TNNC1: variants seen among roughly 807,000 people sequenced by gnomAD.
The protein encoded by TNNC1 is troponin C1, slow skeletal and cardiac type.
A neutral mutation model predicts 19.6 loss-of-function variants in TNNC1; 10 were observed. The ratio of observed to expected loss-of-function variants is 0.51; its 90% CI spans 0.31 to 0.87. The LOEUF (loss-of-function observed/expected upper bound fraction) is 0.87. TNNC1 is among the 40% of genes least tolerant of loss of function. The probability of loss-of-function intolerance (pLI) is 0.04; values close to 1 mark genes in which losing one functional copy is unlikely to be tolerated. For missense variants in TNNC1, 115 were observed against 219.8 expected, an observed-to-expected ratio of 0.52 and a Z score of 3.02; for synonymous variants, 85 against 80.1, an observed-to-expected ratio of 1.06 and a Z score of -0.33.
At position 52,452,268 on chromosome 3, in the gene TNNC1, G is replaced by C; in HGVS notation, c.56-16C>G. On this transcript the variant is annotated splice_polypyrimidine_tract_variant and intron_variant, in intron 2 of 5. Transcript: ENST00000232975. The surrounding 1 kb of genome is among the most constrained non-coding windows in gnomAD (Gnocchi z 5.2). ...GCCTTGAACTCTGTGTTCAGGGGTTGGGGGGCACAGTAGTCAGGGCTCAGC... is the reference window on the plus strand; with the variant it reads ...GCCTTGAACTCTGTGTTCAGGGGTTCGGGGGCACAGTAGTCAGGGCTCAGC... 1.9e-6 allele frequency: 3 copies of C among 1,607,392 alleles called. No homozygotes were observed. The highest frequency in any genetic ancestry group is 2.5e-6 in the Non-Finnish European group (3 of 1,179,978).
At position 52,451,786 on chromosome 3, in the gene TNNC1, T is replaced by A; in HGVS notation, c.275A>T (p.Lys92Ile). 6.2e-7 allele frequency: 1 copy of A among 1,614,112 alleles called. No homozygotes were observed. The highest frequency in any genetic ancestry group is 8.5e-7 in the Non-Finnish European group (1 of 1,179,990). The change falls in exon 4 of 6, where the codon AAA becomes ATA. Residue 92 changes from lysine to isoleucine, a missense_variant. Coordinates refer to ENST00000232975, the MANE Select transcript of TNNC1 (RefSeq NM_003280.3). This position sits in a 1 kb window ranked among gnomAD's most constrained non-coding sequence, Gnocchi z 4.8. ...VRCMKDDSKGKSEEELSDLFR... is the reference protein window; with the variant it reads ...VRCMKDDSKGISEEELSDLFR... ...GAGGTCAGACAGCTCCTCCTCAGAT[T>A]TCCCTTTGCTGTCGTCCTTCATGCA... is the stretch of plus-strand genomic sequence containing the variant.
In TNNC1 at chr3:52,451,223, C is replaced by G; in HGVS notation, c.*52G>C. The G allele has an allele frequency of 2.5e-6, 4 of 1,610,576 alleles. No homozygotes were observed. In the South Asian group the frequency reaches 4.4e-5, roughly 18 times the overall value. On this transcript the variant is annotated 3_prime_UTR_variant, in exon 6 of 6. Coordinates refer to ENST00000232975, the MANE Select transcript of TNNC1 (RefSeq NM_003280.3). The surrounding 1 kb of genome is among the most constrained non-coding windows in gnomAD (Gnocchi z 4.8). ...CCCGACCCCCTCCCCAACCCCAGGA[C>G]TCAGCTGGAGTTGGAGGCTGGGCAT... is the stretch of plus-strand genomic sequence containing the variant.
chr3:52,452,059 C>T lies in TNNC1; in HGVS notation c.202+47G>A. 3.1e-6 allele frequency: 5 copies of T among 1,613,402 alleles called. No homozygotes were observed. The highest frequency in any genetic ancestry group is 4.2e-6 in the Non-Finnish European group (5 of 1,179,950). On this transcript the variant is annotated intron_variant, in intron 3 of 5. Coordinates refer to ENST00000232975, the MANE Select transcript of TNNC1 (RefSeq NM_003280.3). The surrounding 1 kb of genome is among the most constrained non-coding windows in gnomAD (Gnocchi z 5.2). Reference sequence around the variant, plus strand: ...GCTAAACAGAGCCAGCATTCCAGCCCCCAGCCAGCTGGGGTTCTTCTGGAG... The same window carrying T: ...GCTAAACAGAGCCAGCATTCCAGCCTCCAGCCAGCTGGGGTTCTTCTGGAG...
chr3:52,453,512 C>A (rs143915662), intron 1 of TNNC1, among the ~76,000 whole-genome samples: 19 of 152,288 alleles, frequency 1.2e-4, no homozygotes, highest in African/African-American at 4.3e-4. Flanking sequence ...TCCTCTCACA[C>A]CCTCCACCCT....
At position 52,452,125 on chromosome 3, in the gene TNNC1, G is replaced by T; in HGVS notation, c.183C>A (p.Ile61=). 2 of 1,613,908 alleles carry T rather than the reference G, an allele frequency of 1.2e-6. No homozygotes were observed. Among genetic ancestry groups the T allele is most frequent in the Non-Finnish European group, 1.7e-6 (2 of 1,180,030 alleles). ...GCTCACCGTCCTCGTCCACCTCATC[G>T]ATCATCTCCTGCAGCTCCTCAGGGG... ...NPTPEELQEM[I]DEVDEDGSGT... The change falls in exon 3 of 6, where the codon ATC becomes ATA. Residue 61 remains isoleucine, a synonymous_variant. Transcript: ENST00000232975. The surrounding 1 kb of genome is among the most constrained non-coding windows in gnomAD (Gnocchi z 5.2).
rs2153230083 is a variant in TNNC1, at chr3:52,453,990, A to C, written c.24+2T>G. On this transcript the variant is annotated splice_donor_variant, in intron 1 of 5. Transcript: ENST00000232975. LOFTEE classifies it high-confidence loss of function. ...CCAGCCCTACCCAGCCCTGTCCCTC[A>C]CCGCAGCCTTGTAGATGTCATCCAT... 1 of 1,586,552 alleles carries C rather than the reference A, an allele frequency of 6.3e-7. No homozygotes were observed. Among genetic ancestry groups the C allele is most frequent in the Admixed American group, 1.8e-5 (1 of 57,100 alleles).
Position 52,452,640 on chromosome 3 carries a change from G to T in TNNC1, c.25-127C>A, listed in dbSNP as rs1706345557. 2 of 1,027,712 alleles carry T rather than the reference G, an allele frequency of 1.9e-6. No individual in the cohort carries two copies. The highest frequency in any genetic ancestry group is 3.0e-6 in the Non-Finnish European group (2 of 672,762). The allele number at this position is 1,027,712 out of a possible 1,614,324, so 63.7% of individuals were successfully genotyped here. A position where few individuals can be genotyped will look rare whatever the true frequency, so the allele number is the denominator to read the frequency against. ...GCTATTTCCAGGCCACAGAGTGGAGGTCTCAGTCCTCCCTCCCTGCCCCCA... is the reference window on the plus strand; with the variant it reads ...GCTATTTCCAGGCCACAGAGTGGAGTTCTCAGTCCTCCCTCCCTGCCCCCA... On this transcript the variant is annotated intron_variant, in intron 1 of 5. Transcript: ENST00000232975. This position sits in a 1 kb window ranked among gnomAD's most constrained non-coding sequence, Gnocchi z 5.2.
At position 52,452,651 on chromosome 3, in the gene TNNC1, C is replaced by T. The variant is rs981300271; in HGVS notation, c.25-138G>A. 9.8e-6 allele frequency: 9 copies of T among 919,104 alleles called. No individual in the cohort carries two copies. Among genetic ancestry groups the T allele is most frequent in the Admixed American group, 6.0e-5 (3 of 50,022 alleles). The allele number at this position is 919,104 out of a possible 1,614,324, so 56.9% of individuals were successfully genotyped here. Reference sequence around the variant, plus strand: ...GCCACAGAGTGGAGGTCTCAGTCCTCCCTCCCTGCCCCCAAAGCCCTGACG... The same window carrying T: ...GCCACAGAGTGGAGGTCTCAGTCCTTCCTCCCTGCCCCCAAAGCCCTGACG... On this transcript the variant is annotated intron_variant, in intron 1 of 5. Transcript: ENST00000232975. The surrounding 1 kb of genome is among the most constrained non-coding windows in gnomAD (Gnocchi z 5.2).
chr3:52,452,008 G>A lies in TNNC1; in HGVS notation c.202+98C>T. 5 of 1,595,854 alleles carry A rather than the reference G, an allele frequency of 3.1e-6. No homozygotes were observed. Among genetic ancestry groups the A allele is most frequent in the Non-Finnish European group, 3.4e-6 (4 of 1,165,920 alleles). ...CCCATTTTATAGATGAGGCAACCAAGGCTCGGATAGGCTAAATTGCTCCCA... is the reference window on the plus strand; with the variant it reads ...CCCATTTTATAGATGAGGCAACCAAAGCTCGGATAGGCTAAATTGCTCCCA... On this transcript the variant is annotated intron_variant, in intron 3 of 5. Coordinates refer to ENST00000232975, the MANE Select transcript of TNNC1 (RefSeq NM_003280.3). This position sits in a 1 kb window ranked among gnomAD's most constrained non-coding sequence, Gnocchi z 5.2.
chr3:52,452,016 T>C lies in TNNC1; in HGVS notation c.202+90A>G, dbSNP rs762441780. ...ATAGATGAGGCAACCAAGGCTCGGATAGGCTAAATTGCTCCCAGCTAAACA... is the reference window on the plus strand; with the variant it reads ...ATAGATGAGGCAACCAAGGCTCGGACAGGCTAAATTGCTCCCAGCTAAACA... On this transcript the variant is annotated intron_variant, in intron 3 of 5. Coordinates refer to ENST00000232975, the MANE Select transcript of TNNC1 (RefSeq NM_003280.3). This position sits in a 1 kb window ranked among gnomAD's most constrained non-coding sequence, Gnocchi z 5.2. 3.1e-6 allele frequency: 5 copies of C among 1,602,192 alleles called. No individual in the cohort carries two copies. The highest frequency in any genetic ancestry group is 1.7e-5 in the Admixed American group (1 of 59,906).
At position 52,452,939 on chromosome 3, in the gene TNNC1, A is replaced by G; in HGVS notation, c.25-426T>C. On this transcript the variant is annotated intron_variant, in intron 1 of 5. Transcript: ENST00000232975. The surrounding 1 kb of genome is among the most constrained non-coding windows in gnomAD (Gnocchi z 5.2). The stretch of plus-strand genomic sequence containing the variant: ...TATTTTTAACGAGGAACAAAGTTAA[A>G]CCTGGTGATTGTTCTGGGGACTTTG... The G allele has an allele frequency of 3.5e-6, 1 of 283,212 alleles. No homozygotes were observed. Among genetic ancestry groups the G allele is most frequent in the Non-Finnish European group, 6.9e-6 (1 of 144,142 alleles). 17.5% of individuals were successfully genotyped at this position (283,212 alleles called of 1,614,324 possible). A position where few individuals can be genotyped will look rare whatever the true frequency, so the allele number is the denominator to read the frequency against.
rs1706329820 is a variant in TNNC1 at position 52,451,707 on chromosome 3, G to A, written c.317+37C>T. On this transcript the variant is annotated intron_variant, in intron 4 of 5. Coordinates refer to ENST00000232975, the MANE Select transcript of TNNC1 (RefSeq NM_003280.3). This position sits in a 1 kb window ranked among gnomAD's most constrained non-coding sequence, Gnocchi z 4.8. ...CCCTCCTGTACAGCTCGGCTTGAGT[G>A]TGGGTCAGGGTCAGAGGTCAAGGGT... is the stretch of plus-strand genomic sequence containing the variant. 1.2e-6 allele frequency: 2 copies of A among 1,602,316 alleles called. No individual in the cohort carries two copies. Among genetic ancestry groups the A allele is most frequent in the Admixed American group, 1.7e-5 (1 of 59,950 alleles).
rs759472560 is a variant in TNNC1 at position 52,452,101 on chromosome 3, C to G, written c.202+5G>C. The G allele has an allele frequency of 5.8e-5, 93 of 1,613,682 alleles. No individual in the cohort carries two copies. The highest frequency in any genetic ancestry group is 7.6e-5 in the Non-Finnish European group (90 of 1,180,030). Reference sequence around the variant, plus strand: ...CTTCTGGAGCCTGGGGAGGAGGGGGCTCACCGTCCTCGTCCACCTCATCGA... The same window carrying G: ...CTTCTGGAGCCTGGGGAGGAGGGGGGTCACCGTCCTCGTCCACCTCATCGA... On this transcript the variant is annotated splice_donor_5th_base_variant and intron_variant, in intron 3 of 5. Coordinates refer to ENST00000232975, the MANE Select transcript of TNNC1 (RefSeq NM_003280.3). This position sits in a 1 kb window ranked among gnomAD's most constrained non-coding sequence, Gnocchi z 5.2.
rs1706324389 is a variant in TNNC1, at chr3:52,451,396, T to C, written c.449A>G (p.Tyr150Cys). ...CAGCCCACCCACCCGCTTACCATCA[T>C]AGTCGATGCGGCCGTCGTTGTTCTT... ...GDKNNDGRID[Y>C]DEFLEFMKGV... The change falls in exon 5 of 6, where the codon TAT (tyrosine) becomes TGT (cysteine). Residue 150 changes from tyrosine to cysteine, a missense_variant. This residue lies in a region of TNNC1 where 96 missense variants were observed against 114.2 expected (regional missense o/e 0.84). Coordinates refer to ENST00000232975, the MANE Select transcript of TNNC1 (RefSeq NM_003280.3). This position sits in a 1 kb window ranked among gnomAD's most constrained non-coding sequence, Gnocchi z 4.8. The C allele has an allele frequency of 6.2e-7, 1 of 1,614,156 alleles. No homozygotes were observed. Among genetic ancestry groups the C allele is most frequent in the Non-Finnish European group, 8.5e-7 (1 of 1,179,998 alleles).
In TNNC1 at chr3:52,452,587, G is replaced by A; in HGVS notation, c.25-74C>T. On this transcript the variant is annotated intron_variant, in intron 1 of 5. Coordinates refer to ENST00000232975, the MANE Select transcript of TNNC1 (RefSeq NM_003280.3). The surrounding 1 kb of genome is among the most constrained non-coding windows in gnomAD (Gnocchi z 5.2). The stretch of plus-strand genomic sequence containing the variant: ...CTGAGGAAACCAACCCATTCCACAG[G>A]TGAGAAGGCTGGAGCTGGAGGAGGC... 6.6e-7 allele frequency: 1 copy of A among 1,514,496 alleles called. No homozygotes were observed. Among genetic ancestry groups the A allele is most frequent in the East Asian group, 2.3e-5 (1 of 43,816 alleles). The allele number at this position is 1,514,496 out of a possible 1,614,324, so 93.8% of individuals were successfully genotyped here. A position where few individuals can be genotyped will look rare whatever the true frequency, so the allele number is the denominator to read the frequency against.
rs1706332080 is a variant in TNNC1 at position 52,451,861 on chromosome 3, G to A, written c.203-3C>T. 6.2e-7 allele frequency: 1 copy of A among 1,612,928 alleles called. No homozygotes were observed. Among genetic ancestry groups the A allele is most frequent in the Non-Finnish European group, 8.5e-7 (1 of 1,179,060 alleles). ...ATCAAAGTCCACCGTGCCGCTGCCTGGGGGTGGGCAGCATGGCCGTTACAG... is the reference window on the plus strand; with the variant it reads ...ATCAAAGTCCACCGTGCCGCTGCCTAGGGGTGGGCAGCATGGCCGTTACAG... On this transcript the variant is annotated splice_region_variant and splice_polypyrimidine_tract_variant and intron_variant, in intron 3 of 5. Transcript: ENST00000232975. The surrounding 1 kb of genome is among the most constrained non-coding windows in gnomAD (Gnocchi z 4.8).
Position 52,452,071 on chromosome 3 carries a change from G to C in TNNC1, c.202+35C>G, listed in dbSNP as rs1171650588. The C allele has an allele frequency of 6.2e-7, 1 of 1,613,606 alleles. No homozygotes were observed. Among genetic ancestry groups the C allele is most frequent in the Admixed American group, 1.7e-5 (1 of 60,026 alleles). On this transcript the variant is annotated intron_variant, in intron 3 of 5. Transcript: ENST00000232975. This position sits in a 1 kb window ranked among gnomAD's most constrained non-coding sequence, Gnocchi z 5.2. ...CAGCATTCCAGCCCCCAGCCAGCTG[G>C]GGTTCTTCTGGAGCCTGGGGAGGAG...
In TNNC1 at chr3:52,452,403, C is replaced by T. The variant is rs1383309107; in HGVS notation, c.55+80G>A. Reference sequence around the variant, plus strand: ...GAGGGACCAAGCCTCTGGTCTCTGGCCTGGGGTCCTCTTCTGATAAGGGGT... The same window carrying T: ...GAGGGACCAAGCCTCTGGTCTCTGGTCTGGGGTCCTCTTCTGATAAGGGGT... On this transcript the variant is annotated intron_variant, in intron 2 of 5. Coordinates refer to ENST00000232975, the MANE Select transcript of TNNC1 (RefSeq NM_003280.3). This position sits in a 1 kb window ranked among gnomAD's most constrained non-coding sequence, Gnocchi z 5.2. 1 of 1,590,868 alleles carries T rather than the reference C, an allele frequency of 6.3e-7. No homozygotes were observed. The highest frequency in any genetic ancestry group is 8.6e-7 in the Non-Finnish European group (1 of 1,166,038).
rs41292360 is a variant in TNNC1 at position 52,451,148 on chromosome 3, G to A, written c.*127C>T. 159 of 1,070,046 alleles carry A rather than the reference G, an allele frequency of 1.5e-4. No individual in the cohort carries two copies. Among genetic ancestry groups the A allele is most frequent in the Middle Eastern group, 8.9e-4 (4 of 4,502 alleles). The allele number at this position is 1,070,046 out of a possible 1,614,324, so 66.3% of individuals were successfully genotyped here. On this transcript the variant is annotated 3_prime_UTR_variant, in exon 6 of 6. Transcript: ENST00000232975. This position sits in a 1 kb window ranked among gnomAD's most constrained non-coding sequence, Gnocchi z 4.8. ...ATCCCCCAGGACAGATCTGGGGAGG[G>A]AGTCGGGGGATTTGGGGTTGAGGAC...
Sources: allele counts gnomAD v4.1 joint callset (sites outside exome capture counted in the v4.1 genomes callset), GRCh38; gene constraint gnomAD v4.1.1; regional missense constraint gnomAD v4.1.1; non-coding constraint Gnocchi (gnomAD v3.1); transcripts MANE v1.5; gene names NCBI Gene and HGNC (gene_info 2026-07-23, HGNC 2026-07-21).